Variants in DNAH12 observed in about 807,000 individuals in gnomAD.
DNAH12 encodes the protein axonemal beta dynein heavy chain 12.
In DNAH12, 285 loss-of-function variants were observed where a neutral mutation model predicts 371.5. The observed-to-expected ratio is 0.77, with a 90% confidence interval of 0.70 to 0.85. The LOEUF (loss-of-function observed/expected upper bound fraction) is 0.85, where lower values mean the gene tolerates loss of function less well. DNAH12 is among the 40% of genes least tolerant of loss of function. DNAH12 has a pLI of 0.00. For missense variants in DNAH12, 3,611 were observed against 3,689.4 expected (o/e 0.98, Z 0.55); for synonymous variants, 1,200 against 1,213.0 (o/e 0.99, Z 0.22).
chr3:57,323,371 A>C (rs2061855224), intron 63 of DNAH12, 98 bp downstream of exon 63: 3 of 1,471,398 alleles, frequency 2.0e-6, no homozygotes, highest in Admixed American at 5.4e-5. Flanking sequence ...CTCTGTAAAT[A>C]TCAGATTTAC....
chr3:57,348,140 T>A (rs145319311), intron 60 of DNAH12, among the ~76,000 whole-genome samples: 296 of 152,256 alleles, frequency 1.9e-3, no homozygotes, highest in African/African-American at 6.8e-3. Context: ...GGTTAATGAA[T>A]AAACTGTGGT....
In DNAH12 at chr3:57,453,336, T is replaced by C; in HGVS notation, c.3524A>G (p.Lys1175Arg). 6.4e-7 allele frequency: 1 copy of C among 1,551,336 alleles called. No homozygotes were observed. The highest frequency in any genetic ancestry group is 8.7e-7 in the Non-Finnish European group (1 of 1,146,842). Residue 1175 changes from lysine to arginine, a missense_variant, in exon 24 of 74, where the codon AAG (lysine) becomes AGG (arginine). Coordinates refer to ENST00000495027, the MANE Select transcript of DNAH12 (RefSeq NM_001366028.2). ...AGTGGTCCTGGTCTGCTTAGACAACTTTCCTCTTACCAGCTCTACAATCTC... is the reference window on the plus strand; with the variant it reads ...AGTGGTCCTGGTCTGCTTAGACAACCTTCCTCTTACCAGCTCTACAATCTC... The part of the protein sequence containing the change: ...LNEIVELVRG[K>R]LSKQTRTTLG...
chr3:57,380,802 T>C (rs1253909187), intron 50 of DNAH12, among the ~76,000 whole-genome samples: 1 of 152,214 alleles, frequency 6.6e-6, no homozygotes, highest in Non-Finnish European at 1.5e-5. Context: ...TACATCTCCT[T>C]GGAAATTAAG....
intron 37 of DNAH12, among the ~76,000 whole-genome samples, chr3:57,416,690 T>A (rs961816689): frequency 6.6e-6 from 1 of 152,282 alleles, no homozygotes; most frequent in Admixed American, 6.5e-5. Flanking sequence ...GTTATGTATA[T>A]GTATACTGTT....
In DNAH12 at chr3:57,414,054, C is replaced by G. The variant is rs1427095316; in HGVS notation, c.5854-142G>C. ...TTTTACCAGTAACAATTACTATTTG[C>G]TTAATTTATCAATGATTAACTTAAC... On this transcript the variant is annotated intron_variant, in intron 38 of 73. Transcript: ENST00000495027. 32 of 775,948 alleles carry G rather than the reference C, an allele frequency of 4.1e-5. No homozygotes were observed. The East Asian group carries it at 9.1e-4, about 22-fold the overall frequency. 48.1% of individuals were successfully genotyped at this position (775,948 alleles called of 1,614,324 possible). A position where few individuals can be genotyped will look rare whatever the true frequency, so the allele number is the denominator to read the frequency against.
intron 60 of DNAH12, 61 bp downstream of exon 60, chr3:57,352,024 G>C (rs1300399995): frequency 2.1e-6 from 3 of 1,434,706 alleles, no homozygotes; most frequent in Non-Finnish European, 2.8e-6. Flanking sequence ...CATATTCACA[G>C]ATTTGATTTT....
At chr3:57,446,010 T>C (rs1262252254) in intron 27 of DNAH12, 21 bp downstream of exon 27, 2 of 1,439,446 alleles carry the variant, frequency 1.4e-6, no homozygotes, top group East Asian at 2.7e-5. Context: ...AATAAATAAA[T>C]AAATAAATAA....
At chr3:57,483,773 C>T (rs1162214780) in intron 12 of DNAH12, among the ~76,000 whole-genome samples, 1 of 149,034 alleles carries the variant, frequency 6.7e-6, no homozygotes, top group African/African-American at 2.5e-5. Context: ...TGGTGAAACC[C>T]TGTCTCTACA....
chr3:57,326,991 A>T (rs1322813373), intron 62 of DNAH12, among the ~76,000 whole-genome samples: 1 of 152,228 alleles, frequency 6.6e-6, no homozygotes, highest in African/African-American at 2.4e-5. Context: ...AAAGGGATCA[A>T]TTCAACAAGA....
At chr3:57,387,482 T>A (rs898201556) in intron 45 of DNAH12, among the ~76,000 whole-genome samples, 2 of 152,236 alleles carry the variant, frequency 1.3e-5, no homozygotes, top group Non-Finnish European at 2.9e-5. Context: ...TGTATTACAC[T>A]GTCTTCCCAA....
intron 39 of DNAH12, among the ~76,000 whole-genome samples, chr3:57,410,208 G>T (rs1239160681): frequency 2.0e-5 from 3 of 152,044 alleles, no homozygotes; most frequent in African/African-American, 7.2e-5. Context: ...TTAGAAACCT[G>T]TGTTGAGCAG....
chr3:57,488,593 T>C lies in DNAH12; in HGVS notation c.1514+916A>G, dbSNP rs75569572. Among the ~76,000 whole-genome samples, 5 of 152,282 alleles carry C rather than the reference T, an allele frequency of 3.3e-5. No individual in the cohort carries two copies. In the East Asian group the frequency reaches 9.6e-4, roughly 29 times the overall value. On this transcript the variant is annotated intron_variant, in intron 12 of 73. Coordinates refer to ENST00000495027, the MANE Select transcript of DNAH12 (RefSeq NM_001366028.2). ...GGAACTAGTTAATGGCAATCAGTATTCAAATTCATGTCTTTCTGATTCCAA... is the reference window on the plus strand; with the variant it reads ...GGAACTAGTTAATGGCAATCAGTATCCAAATTCATGTCTTTCTGATTCCAA...
chr3:57,309,759 G>A lies in DNAH12; in HGVS notation c.10992C>T (p.Ser3664=), dbSNP rs369067993. Residue 3664 remains serine (S), a synonymous_variant, in exon 68 of 74, where the codon TCC becomes TCT. Transcript: ENST00000495027. Reference sequence around the variant, plus strand: ...TGGAGCCTCCCTGGGTGAGGAGCAAGGACTCAAAGAGGGTTTTTGTTTGTT... The same window carrying A: ...TGGAGCCTCCCTGGGTGAGGAGCAAAGACTCAAAGAGGGTTTTTGTTTGTT... ...DLQQTKTLFE[S]LLLTQGGSKQ... 217 of 1,551,296 alleles carry A rather than the reference G, an allele frequency of 1.4e-4. No homozygotes were observed. The highest frequency in any genetic ancestry group is 5.0e-4 in the Middle Eastern group (3 of 5,994).
At chr3:57,414,012 G>GCCAGAATCCATGGGATTTTTA in intron 38 of DNAH12, 100 bp from the exon 39 acceptor site, 2 of 1,231,208 alleles carry the variant, frequency 1.6e-6, no homozygotes, top group Non-Finnish European at 2.2e-6. Context: ...AACCCATTTT[G>GCCAGAATCCATGGGATTTTTA]CCAGAATCCA....
At chr3:57,327,464 G>C (rs1433066711) in intron 62 of DNAH12, among the ~76,000 whole-genome samples, 1 of 152,120 alleles carries the variant, frequency 6.6e-6, no homozygotes, top group Non-Finnish European at 1.5e-5. Context: ...TGACTACTGG[G>C]TACATAGCGA....
chr3:57,477,002 G>A (rs1034090923), intron 13 of DNAH12, among the ~76,000 whole-genome samples: 75 of 152,244 alleles, frequency 4.9e-4, no homozygotes, highest in Middle Eastern at 3.4e-3. Context: ...TGTGAGCGAC[G>A]CAGAAGATGG....
intron 2 of DNAH12, among the ~76,000 whole-genome samples, chr3:57,525,026 A>G (rs1480032421): frequency 6.6e-6 from 1 of 152,142 alleles, no homozygotes; most frequent in Non-Finnish European, 1.5e-5. Context: ...ATGGCCAAAG[A>G]AAAAAGCATA....
intron 73 of DNAH12, 46 bp downstream of exon 73, chr3:57,295,479 T>C: frequency 6.6e-7 from 1 of 1,513,316 alleles, no homozygotes; most frequent in South Asian, 1.2e-5. Flanking sequence ...ATATCCATCC[T>C]TATTCTCCCT....
intron 30 of DNAH12, among the ~76,000 whole-genome samples, chr3:57,434,030 T>C (rs1337886476): frequency 6.6e-6 from 1 of 152,130 alleles, no homozygotes; most frequent in Admixed American, 6.5e-5. Flanking sequence ...TATTATTTTC[T>C]CCAAAAGGGA....
Sources: allele counts gnomAD v4.1 joint callset (sites outside exome capture counted in the v4.1 genomes callset), GRCh38; gene constraint gnomAD v4.1.1; transcripts MANE v1.5; gene names NCBI Gene and HGNC (gene_info 2026-07-23, HGNC 2026-07-21).